TENM4: variants seen among roughly 807,000 people sequenced by gnomAD.
TENM4 encodes the protein teneurin transmembrane protein 4.
In TENM4, 82 loss-of-function variants were observed where a neutral mutation model predicts 243.3. The ratio of observed to expected loss-of-function variants is 0.34; its 90% CI spans 0.28 to 0.40. The LOEUF (loss-of-function observed/expected upper bound fraction) is 0.40, where lower values mean the gene tolerates loss of function less well. Ranked by LOEUF, TENM4 falls within the 10% of genes least tolerant of loss-of-function variation. The pLI is 1.00. For synonymous variants in TENM4, 1,412 were observed against 1,456.3 expected (o/e 0.97, Z 0.69); for missense variants, 3,138 against 3,673.3 (o/e 0.85, Z 3.77).
chr11:79,119,752 T>C (rs1490204407), intron 4 of TENM4, among the ~76,000 whole-genome samples: 1 of 152,188 alleles, frequency 6.6e-6, no homozygotes, highest in Non-Finnish European at 1.5e-5. Flanking sequence ...CTTCACACCC[T>C]GAGACTGGCA....
intron 6 of TENM4, among the ~76,000 whole-genome samples, chr11:79,012,746 C>T (rs1465719812): frequency 6.6e-6 from 1 of 152,170 alleles, no homozygotes; most frequent in Non-Finnish European, 1.5e-5. Context: ...CACAGGTATG[C>T]TCTTCCCTCC....
At chr11:78,991,164 C>T (rs540136869) in intron 6 of TENM4, among the ~76,000 whole-genome samples, 16 of 152,266 alleles carry the variant, frequency 1.1e-4, no homozygotes, top group African/African-American at 3.6e-4. Flanking sequence ...GCACTGAATA[C>T]ACTGAAGCTG....
At chr11:78,686,644 C>G (rs1858683443) in intron 29 of TENM4, among the ~76,000 whole-genome samples, 1 of 152,206 alleles carries the variant, frequency 6.6e-6, no homozygotes, top group Non-Finnish European at 1.5e-5. Flanking sequence ...GAAGGACACC[C>G]AGCTGGTGTC....
chr11:79,113,579 G>A (rs938331893), intron 4 of TENM4, among the ~76,000 whole-genome samples: 4 of 150,470 alleles, frequency 2.7e-5, no homozygotes, highest in African/African-American at 9.8e-5. Context: ...CTTGCAAGCG[G>A]AAACATGAAA....
intron 18 of TENM4, among the ~76,000 whole-genome samples, chr11:78,759,241 C>T (rs613681): frequency 0.34 from 51,498 of 152,088 alleles, 10,825 homozygotes; most frequent in Middle Eastern, 0.52. Context: ...CTCCAGCAGT[C>T]GGCAGCCTCC....
At chr11:79,095,958 T>C (rs947209630) in intron 4 of TENM4, 4 of 152,190 alleles carry the variant, frequency 2.6e-5, no homozygotes, top group African/African-American at 4.8e-5. Flanking sequence ...GGAGAACCCA[T>C]TGAGGGTCTC....
intron 12 of TENM4, among the ~76,000 whole-genome samples, chr11:78,852,514 C>A (rs550231860): frequency 6.6e-6 from 1 of 152,078 alleles, no homozygotes; most frequent in African/African-American, 2.4e-5. Flanking sequence ...GAAACCTCAT[C>A]TCTACAAAAC....
chr11:78,937,777 A>G (rs934952422), intron 6 of TENM4, among the ~76,000 whole-genome samples: 1 of 152,224 alleles, frequency 6.6e-6, no homozygotes, highest in Non-Finnish European at 1.5e-5. Context: ...TTTAGCCAGC[A>G]TGATAAGGAA....
chr11:78,928,312 G>A (rs977550760), intron 6 of TENM4, among the ~76,000 whole-genome samples: 5 of 152,118 alleles, frequency 3.3e-5, no homozygotes, highest in Non-Finnish European at 5.9e-5. Context: ...AATATCATAC[G>A]TTAAGAAGCA....
At chr11:78,697,537 G>A (rs995485797) in intron 28 of TENM4, among the ~76,000 whole-genome samples, 9 of 152,168 alleles carry the variant, frequency 5.9e-5, no homozygotes, top group African/African-American at 1.9e-4. Context: ...CACTGGCAGT[G>A]CTGGTGCTCA....
intron 4 of TENM4, among the ~76,000 whole-genome samples, chr11:79,104,334 T>A (rs1378935303): frequency 6.6e-6 from 1 of 152,236 alleles, no homozygotes; most frequent in East Asian, 1.9e-4. Flanking sequence ...TAATAAGGAC[T>A]CCCTGTGTCC....
intron 6 of TENM4, among the ~76,000 whole-genome samples, chr11:78,987,629 A>T (rs1591185508): frequency 6.6e-6 from 1 of 152,356 alleles, no homozygotes; most frequent in East Asian, 1.9e-4. Context: ...TAATGCATGC[A>T]TGTTATTCCT....
chr11:79,004,003 A>C (rs1200714578), intron 6 of TENM4, among the ~76,000 whole-genome samples: 1 of 151,926 alleles, frequency 6.6e-6, no homozygotes, highest in Admixed American at 6.6e-5. Flanking sequence ...AGAAAAAAAA[A>C]AAAACAGACT....
At chr11:79,372,192 A>G (rs1857801841) in intron 1 of TENM4, among the ~76,000 whole-genome samples, 1 of 151,878 alleles carries the variant, frequency 6.6e-6, no homozygotes, top group Admixed American at 6.6e-5. Context: ...TTTTATTTTT[A>G]TTTTTTCCAA....
chr11:79,041,337 T>G (rs1030690438), intron 6 of TENM4, among the ~76,000 whole-genome samples: 4 of 152,138 alleles, frequency 2.6e-5, no homozygotes, highest in Non-Finnish European at 1.5e-5. Flanking sequence ...GTGCTGGGAT[T>G]ATAGGCATGA....
In TENM4 at chr11:78,968,439, C is replaced by A. The variant is rs550725101; in HGVS notation, c.494-64916G>T. Among the ~76,000 whole-genome samples, 16 of 152,340 alleles carry A rather than the reference C, an allele frequency of 1.1e-4. No homozygotes were observed. The South Asian group carries it at 2.9e-3, about 28-fold the overall frequency. The stretch of plus-strand genomic sequence containing the variant: ...AGCTGGGAGCACAGGTGTGTGCCAC[C>A]ATGCCTAGCTAATTTTTTGTATTTT... On this transcript the variant is annotated intron_variant, in intron 6 of 33. Transcript: ENST00000278550.
At chr11:79,420,844 C>T (rs1858916644) in intron 1 of TENM4, among the ~76,000 whole-genome samples, 1 of 152,170 alleles carries the variant, frequency 6.6e-6, no homozygotes. Context: ...ACTCCAGAGT[C>T]AGATAAACCC....
At chr11:79,386,735 C>T (rs995832580) in intron 1 of TENM4, among the ~76,000 whole-genome samples, 11 of 148,826 alleles carry the variant, frequency 7.4e-5, no homozygotes, top group Non-Finnish European at 1.6e-4. Context: ...AAAATGAACA[C>T]GGCCGTTGAG....
chr11:78,990,698 G>A (rs1448576543), intron 6 of TENM4, among the ~76,000 whole-genome samples: 2 of 152,116 alleles, frequency 1.3e-5, no homozygotes, highest in African/African-American at 2.4e-5. Context: ...AACTGTGAAC[G>A]ACAGGATGGG....
Sources: gnomAD v4.1 joint callset for allele counts (sites outside exome capture counted in the v4.1 genomes callset) on GRCh38, gnomAD v4.1.1 for gene constraint, MANE v1.5 for transcripts, NCBI Gene and HGNC (gene_info 2026-07-23, HGNC 2026-07-21) for gene names.